The following DPP10 variants were observed in gnomAD, a reference collection of about 807,000 sequenced individuals.
The protein encoded by DPP10 is inactive dipeptidyl peptidase 10.
A neutral mutation model predicts 120.9 loss-of-function variants in DPP10; 33 were observed. The ratio of observed to expected loss-of-function variants is 0.27; its 90% CI spans 0.21 to 0.37. The LOEUF (loss-of-function observed/expected upper bound fraction) is 0.37, where lower values mean the gene tolerates loss of function less well. Among genes scored for constraint, DPP10 ranks in the 10% least tolerant of loss-of-function variants. The probability of loss-of-function intolerance (pLI) is 1.00; values close to 1 mark genes in which losing one functional copy is unlikely to be tolerated. For synonymous variants in DPP10, 337 were observed against 326.1 expected (o/e 1.03, Z -0.36); for missense variants, 816 against 942.8 (o/e 0.87, Z 1.76).
intron 1 of DPP10, among the ~76,000 whole-genome samples, chr2:114,675,017 A>G (rs576395832): frequency 3.9e-5 from 6 of 152,328 alleles, no homozygotes; most frequent in African/African-American, 1.4e-4. Flanking sequence ...CATTGTGTTC[A>G]TAAAAAGAGT....
Position 115,406,421 on chromosome 2 carries a change from A to G in DPP10, c.271+62509A>G, listed in dbSNP as rs117795310. On this transcript the variant is annotated intron_variant, in intron 3 of 25. Transcript: ENST00000410059. ...CATTATATTATCCTTAATGCTCCAC[A>G]TACAGAAATACTATTTATAATAGAA... Among the ~76,000 whole-genome samples the G allele has an allele frequency of 3.5e-4, 53 of 152,276 alleles. No individual in the cohort carries two copies. In the East Asian group the frequency reaches 0.01, roughly 29 times the overall value.
chr2:115,290,572 G>T (rs1450586713), intron 1 of DPP10, among the ~76,000 whole-genome samples: 1 of 152,108 alleles, frequency 6.6e-6, no homozygotes, highest in Non-Finnish European at 1.5e-5. Flanking sequence ...CTGAGACAAG[G>T]TGAGAAAATT....
chr2:115,702,540 C>T (rs1370547287), intron 7 of DPP10, among the ~76,000 whole-genome samples: 1 of 152,060 alleles, frequency 6.6e-6, no homozygotes, highest in East Asian at 1.9e-4. Flanking sequence ...AAATGAAGCA[C>T]TGATACGTGC....
chr2:114,727,789 C>A (rs115667398), intron 1 of DPP10, among the ~76,000 whole-genome samples: 1 of 152,144 alleles, frequency 6.6e-6, no homozygotes, highest in African/African-American at 2.4e-5. Context: ...AATTCGCCAG[C>A]CTCTGAACAG....
At position 115,844,428 on chromosome 2, in the gene DPP10, T is replaced by G. The variant is rs537681780; in HGVS notation, c.*2083T>G. 116 of 152,724 alleles carry G rather than the reference T, an allele frequency of 7.6e-4. No homozygotes were observed. The highest frequency in any genetic ancestry group is 1.3e-3 in the Non-Finnish European group (90 of 68,012). 9.5% of individuals were successfully genotyped at this position (152,724 alleles called of 1,614,324 possible). ...TTTTCAATTAATTTAATACAGTTTCTAATGTGAAAGACATTTTTCTGGAAC... is the reference window on the plus strand; with the variant it reads ...TTTTCAATTAATTTAATACAGTTTCGAATGTGAAAGACATTTTTCTGGAAC... On this transcript the variant is annotated 3_prime_UTR_variant, in exon 26 of 26. Transcript: ENST00000410059.
chr2:114,781,194 G>A (rs1020032501), intron 1 of DPP10, among the ~76,000 whole-genome samples: 12 of 152,162 alleles, frequency 7.9e-5, no homozygotes, highest in African/African-American at 2.9e-4. Flanking sequence ...CATTTAACCT[G>A]TGAAATCTCT....
intron 1 of DPP10, among the ~76,000 whole-genome samples, chr2:114,663,664 T>TAGAGAG (rs1374317856): frequency 1.6e-3 from 156 of 95,402 alleles, no homozygotes; most frequent in African/African-American, 6.1e-3. Context: ...TATATATATA[T>TAGAGAG]ATATAGAGAG....
intron 3 of DPP10, among the ~76,000 whole-genome samples, chr2:115,478,900 A>C (rs187091365): frequency 6.6e-6 from 1 of 152,338 alleles, no homozygotes; most frequent in African/African-American, 2.4e-5. Flanking sequence ...GAAAGTAAAT[A>C]GAAAATATTT....
chr2:115,258,636 T>C (rs2059115131), intron 1 of DPP10, among the ~76,000 whole-genome samples: 1 of 152,176 alleles, frequency 6.6e-6, no homozygotes, highest in African/African-American at 2.4e-5. Context: ...GTATAATGAT[T>C]CTATTTTATT....
intron 1 of DPP10, among the ~76,000 whole-genome samples, chr2:114,721,613 G>A (rs1031344242): frequency 6.6e-6 from 1 of 152,104 alleles, no homozygotes; most frequent in African/African-American, 2.4e-5. Context: ...CTACTATCCT[G>A]ATTCTACAGA....
Position 115,562,138 on chromosome 2 carries a change from A to G in DPP10, c.441+36166A>G, listed in dbSNP as rs184511756. Among the ~76,000 whole-genome samples, 5 of 152,322 alleles carry G rather than the reference A, an allele frequency of 3.3e-5. No homozygotes were observed. The East Asian group carries it at 9.6e-4, about 29-fold the overall frequency. The stretch of plus-strand genomic sequence containing the variant: ...GTCATATCTCACCTTTTCTGCTTCA[A>G]AAACCCAGAATGTTTGAAGCTCAAA... On this transcript the variant is annotated intron_variant, in intron 5 of 25. Coordinates refer to ENST00000410059, the MANE Select transcript of DPP10 (RefSeq NM_020868.6).
intron 5 of DPP10, among the ~76,000 whole-genome samples, chr2:115,556,349 A>AT (rs929590510): frequency 2.8e-4 from 38 of 133,714 alleles, no homozygotes; most frequent in African/African-American, 6.4e-4. Context: ...ACGTTGTGAG[A>AT]TTTTTTTTTG....
intron 5 of DPP10, among the ~76,000 whole-genome samples, chr2:115,537,203 T>TAC (rs1291716708): frequency 1.1e-4 from 16 of 152,064 alleles, no homozygotes; most frequent in African/African-American, 3.9e-4. Context: ...TACCTATATA[T>TAC]ACTTGTATTA....
chr2:114,617,478 A>G (rs888602444), intron 1 of DPP10, among the ~76,000 whole-genome samples: 1 of 152,092 alleles, frequency 6.6e-6, no homozygotes, highest in Admixed American at 6.6e-5. Context: ...TTATGATTCT[A>G]TTCTTTCTAA....
intron 1 of DPP10, among the ~76,000 whole-genome samples, chr2:114,489,626 A>G (rs187007011): frequency 4.8e-4 from 73 of 152,314 alleles, no homozygotes; most frequent in African/African-American, 1.7e-3. Context: ...TACTCAGTCA[A>G]TGGCCTGGCA....
At chr2:114,530,796 TTAAACA>T (rs1399517034) in intron 1 of DPP10, among the ~76,000 whole-genome samples, 1 of 152,150 alleles carries the variant, frequency 6.6e-6, no homozygotes, top group African/African-American at 2.4e-5. Flanking sequence ...GCAGAATTAA[TTAAACA>T]TAAAAAATAT....
chr2:114,483,061 A>G (rs1681199530), intron 1 of DPP10, among the ~76,000 whole-genome samples: 1 of 152,164 alleles, frequency 6.6e-6, no homozygotes, highest in South Asian at 2.1e-4. Flanking sequence ...CATTTTCTCA[A>G]GTAGCTGTTT....
intron 3 of DPP10, among the ~76,000 whole-genome samples, chr2:115,431,039 GCTT>G (rs1325567375): frequency 6.6e-6 from 1 of 152,166 alleles, no homozygotes; most frequent in Non-Finnish European, 1.5e-5. Context: ...TATGATACTA[GCTT>G]CTTAAGAGAA....
chr2:115,610,511 G>GTGTGTA (rs56136090), intron 5 of DPP10, among the ~76,000 whole-genome samples: 24,874 of 150,160 alleles, frequency 0.17, 3,454 homozygotes, highest in African/African-American at 0.38. Context: ...GTGTGTGTGT[G>GTGTGTA]TGTTTTCAAC....
Sources: gnomAD v4.1 joint callset for allele counts (sites outside exome capture counted in the v4.1 genomes callset) on GRCh38, gnomAD v4.1.1 for gene constraint, MANE v1.5 for transcripts, NCBI Gene and HGNC (gene_info 2026-07-23, HGNC 2026-07-21) for gene names.